ERBB4: variants seen among roughly 807,000 people sequenced by gnomAD.
The protein encoded by ERBB4 is receptor tyrosine-protein kinase erbB-4.
In ERBB4, 42 loss-of-function variants were observed where a neutral mutation model predicts 158.0. The observed-to-expected ratio is 0.27, with a 90% CI of 0.21 to 0.34. The LOEUF (loss-of-function observed/expected upper bound fraction) is 0.34, where lower values mean the gene tolerates loss of function less well. Among genes scored for constraint, ERBB4 ranks in the 10% least tolerant of loss-of-function variants. ERBB4 has a pLI of 1.00. For missense variants in ERBB4, 1,333 were observed against 1,624.1 expected (o/e 0.82, Z 3.08); for synonymous variants, 583 against 558.7 (o/e 1.04, Z -0.61).
intron 19 of ERBB4, among the ~76,000 whole-genome samples, chr2:211,617,451 A>C (rs2069432645): frequency 6.6e-6 from 1 of 152,144 alleles, no homozygotes; most frequent in South Asian, 2.1e-4. Flanking sequence ...GACATGTAGC[A>C]GTGGCGTGTC....
chr2:211,876,556 C>A (rs150842390), intron 3 of ERBB4, among the ~76,000 whole-genome samples: 4 of 151,962 alleles, frequency 2.6e-5, no homozygotes, highest in Non-Finnish European at 5.9e-5. Context: ...ACTGTGTGTT[C>A]GGTGAGAAAA....
chr2:212,281,670 G>T (rs2085764217), intron 1 of ERBB4, among the ~76,000 whole-genome samples: 3 of 151,820 alleles, frequency 2.0e-5, no homozygotes, highest in South Asian at 4.1e-4. Flanking sequence ...TTTCTGCATT[G>T]AAAGCCTTGA....
intron 24 of ERBB4, among the ~76,000 whole-genome samples, chr2:211,421,514 T>C (rs896921450): frequency 3.3e-5 from 5 of 151,952 alleles, no homozygotes; most frequent in South Asian, 2.1e-4. Flanking sequence ...TTCATTTGAA[T>C]TGAGTTATTG....
At chr2:211,941,790 C>G (rs940753612) in intron 3 of ERBB4, among the ~76,000 whole-genome samples, 1 of 145,656 alleles carries the variant, frequency 6.9e-6, no homozygotes. Flanking sequence ...TATCCGAATA[C>G]GCAGAAACAA....
chr2:212,178,000 T>A (rs1039774799), intron 1 of ERBB4, among the ~76,000 whole-genome samples: 14 of 151,140 alleles, frequency 9.3e-5, no homozygotes, highest in African/African-American at 4.9e-5. Flanking sequence ...GGGTTGTTCA[T>A]GGAGGAATGT....
At chr2:211,540,360 C>A (rs968919604) in intron 20 of ERBB4, among the ~76,000 whole-genome samples, 1 of 151,700 alleles carries the variant, frequency 6.6e-6, no homozygotes, top group Non-Finnish European at 1.5e-5. Context: ...TAGGGGAGAG[C>A]AACTCGTACA....
intron 1 of ERBB4, among the ~76,000 whole-genome samples, chr2:212,440,254 T>C (rs1479761649): frequency 6.6e-6 from 1 of 152,158 alleles, no homozygotes; most frequent in African/African-American, 2.4e-5. Context: ...GCAGATCCAC[T>C]CTTAATCTGG....
intron 1 of ERBB4, among the ~76,000 whole-genome samples, chr2:212,428,576 A>G (rs1428836815): frequency 6.6e-6 from 1 of 152,212 alleles, no homozygotes; most frequent in Non-Finnish European, 1.5e-5. Flanking sequence ...AAAATTAATA[A>G]GAAAGTCTAC....
intron 3 of ERBB4, among the ~76,000 whole-genome samples, chr2:211,881,840 A>C (rs2078672011): frequency 6.6e-6 from 1 of 152,130 alleles, no homozygotes; most frequent in Non-Finnish European, 1.5e-5. Context: ...TGCGCCCTTG[A>C]TATTTGTAGC....
In ERBB4 at chr2:211,732,062, C is replaced by A. The variant is rs931456007; in HGVS notation, c.623-6868G>T. On this transcript the variant is annotated intron_variant, in intron 5 of 27. Coordinates refer to ENST00000342788, the MANE Select transcript of ERBB4 (RefSeq NM_005235.3). ...GATTTTTAGAAGTAGATTTTATAAG[C>A]CAATATTTCCAAACTTCTGCTCTAA... 2.0e-5 allele frequency among the ~76,000 whole-genome samples: 3 copies of A among 151,716 alleles called. No individual in the cohort carries two copies. In the South Asian group the frequency reaches 6.2e-4, roughly 32 times the overall value.
intron 20 of ERBB4, among the ~76,000 whole-genome samples, chr2:211,559,742 G>A (rs1328385460): frequency 3.9e-5 from 6 of 152,096 alleles, no homozygotes; most frequent in Non-Finnish European, 1.5e-5. Flanking sequence ...AGAGAACCAG[G>A]CTCGTATCTG....
intron 2 of ERBB4, among the ~76,000 whole-genome samples, chr2:211,990,367 C>T (rs1282765961): frequency 6.6e-6 from 1 of 151,908 alleles, no homozygotes; most frequent in African/African-American, 2.4e-5. Flanking sequence ...CTTATTTTTT[C>T]ATACAGCACT....
chr2:211,410,747 G>A (rs553389337), intron 25 of ERBB4, among the ~76,000 whole-genome samples: 75 of 152,110 alleles, frequency 4.9e-4, no homozygotes, highest in African/African-American at 1.7e-3. Context: ...CTAAAGACAG[G>A]GCTAAATGAA....
chr2:212,005,125 C>A (rs556797725), intron 2 of ERBB4, among the ~76,000 whole-genome samples: 2 of 152,114 alleles, frequency 1.3e-5, no homozygotes, highest in African/African-American at 4.8e-5. Context: ...CAATATACAT[C>A]AACATATATA....
At chr2:211,897,440 CAAA>C (rs199740793) in intron 3 of ERBB4, among the ~76,000 whole-genome samples, 3 of 101,146 alleles carry the variant, frequency 3.0e-5, no homozygotes, top group African/African-American at 3.5e-5. Context: ...GTATAATTTG[CAAA>C]AAAAAAAAAA....
intron 1 of ERBB4, among the ~76,000 whole-genome samples, chr2:212,195,950 C>T (rs872309): frequency 0.032 from 4,870 of 152,128 alleles, 233 homozygotes; most frequent in African/African-American, 0.1. Context: ...GATAGTCCAT[C>T]ATGCATTCCT....
intron 1 of ERBB4, among the ~76,000 whole-genome samples, chr2:212,333,346 G>C (rs778847330): frequency 1.3e-5 from 2 of 149,064 alleles, no homozygotes; most frequent in African/African-American, 4.9e-5. Flanking sequence ...TCTAAAACCT[G>C]TCCACACAAA....
At chr2:212,152,774 G>A (rs771106636) in intron 1 of ERBB4, among the ~76,000 whole-genome samples, 18 of 152,160 alleles carry the variant, frequency 1.2e-4, no homozygotes, top group Non-Finnish European at 2.2e-4. Flanking sequence ...TTTCCCAGAA[G>A]GAGCTTCTCC....
chr2:211,975,109 A>T (rs1290490205), intron 2 of ERBB4, among the ~76,000 whole-genome samples: 2 of 152,070 alleles, frequency 1.3e-5, no homozygotes, highest in South Asian at 4.1e-4. Context: ...CAGTCTCCTG[A>T]GTAGCTGGGA....
Sources: allele counts gnomAD v4.1 joint callset (sites outside exome capture counted in the v4.1 genomes callset), GRCh38; gene constraint gnomAD v4.1.1; transcripts MANE v1.5; gene names NCBI Gene and HGNC (gene_info 2026-07-23, HGNC 2026-07-21).